STAC: variants seen among roughly 807,000 people sequenced by gnomAD.
STAC encodes the protein SH3 and cysteine-rich domain-containing protein.
In STAC, 43 loss-of-function variants were observed where a neutral mutation model predicts 48.8. The ratio of observed to expected loss-of-function variants is 0.88; its 90% CI spans 0.69 to 1.14. The LOEUF (loss-of-function observed/expected upper bound fraction) is 1.14, where lower values mean the gene tolerates loss of function less well. STAC is among the 50% of genes most tolerant of loss of function. The pLI is 0.00. For synonymous variants in STAC, 193 were observed against 179.5 expected (o/e 1.07, Z -0.60); for missense variants, 497 against 504.0 (o/e 0.99, Z 0.13).
At chr3:36,419,705 GGAA>G (rs1350167961) in intron 1 of STAC, among the ~76,000 whole-genome samples, 3 of 148,964 alleles carry the variant, frequency 2.0e-5, no homozygotes, top group Non-Finnish European at 3.0e-5. Flanking sequence ...TTCAGGTCAG[GGAA>G]GAAGAACTGT....
chr3:36,397,002 TCAC>T (rs1174898889), intron 1 of STAC, among the ~76,000 whole-genome samples: 1 of 152,164 alleles, frequency 6.6e-6, no homozygotes, highest in Non-Finnish European at 1.5e-5. Context: ...GGAAAATAAA[TCAC>T]CAAACTAGTT....
At chr3:36,418,056 C>A (rs898403966) in intron 1 of STAC, among the ~76,000 whole-genome samples, 29 of 151,970 alleles carry the variant, frequency 1.9e-4, no homozygotes, top group Admixed American at 1.4e-3. Flanking sequence ...GGGATATTTT[C>A]TTTTCCTATT....
At chr3:36,506,056 A>G (rs879346531) in intron 8 of STAC, 3 of 372,894 alleles carry the variant, frequency 8.0e-6, no homozygotes, top group Non-Finnish European at 1.5e-5. Context: ...TTGCATTCCT[A>G]AGGAGTTCCC....
intron 1 of STAC, among the ~76,000 whole-genome samples, chr3:36,431,566 T>C (rs1002963747): frequency 6.6e-6 from 1 of 152,228 alleles, no homozygotes; most frequent in Non-Finnish European, 1.5e-5. Flanking sequence ...CAATCCATTA[T>C]AATGCAGGTG....
chr3:36,544,943 C>G (rs1699411125), intron 10 of STAC, among the ~76,000 whole-genome samples: 1 of 152,184 alleles, frequency 6.6e-6, no homozygotes, highest in South Asian at 2.1e-4. Flanking sequence ...GATACCAGTC[C>G]ATTGTATGTC....
At chr3:36,450,307 TAGA>T (rs1227436942) in intron 2 of STAC, among the ~76,000 whole-genome samples, 1 of 152,102 alleles carries the variant, frequency 6.6e-6, no homozygotes, top group Admixed American at 6.5e-5. Context: ...TAAGCAAAAA[TAGA>T]AGAACAACAT....
At chr3:36,437,645 GA>G (rs1423414869) in intron 1 of STAC, among the ~76,000 whole-genome samples, 1 of 99,782 alleles carries the variant, frequency 1.0e-5, no homozygotes, top group African/African-American at 3.9e-5. Context: ...GGGGAGGGGG[GA>G]GGGATAGCAT....
chr3:36,533,305 C>T (rs1042221581), intron 10 of STAC, among the ~76,000 whole-genome samples: 7 of 152,092 alleles, frequency 4.6e-5, no homozygotes, highest in Admixed American at 4.6e-4. Flanking sequence ...ACTCGCAAAG[C>T]AAATGGGCAC....
intron 8 of STAC, among the ~76,000 whole-genome samples, chr3:36,507,526 G>A (rs530535265): frequency 2.0e-5 from 3 of 152,230 alleles, no homozygotes; most frequent in Non-Finnish European, 2.9e-5. Context: ...GGTAGAATTC[G>A]GCTATGATTC....
Position 36,443,451 on chromosome 3 carries a change from G to A in STAC, c.199G>A (p.Glu67Lys), listed in dbSNP as rs1384065882. 13 of 1,614,156 alleles carry A rather than the reference G, an allele frequency of 8.1e-6. No individual in the cohort carries two copies. The highest frequency in any genetic ancestry group is 2.2e-5 in the South Asian group (2 of 91,080). Reference protein sequence around the residue: ...ADNFFQRTNSEDMKLQAHMVA... With the variant: ...ADNFFQRTNSKDMKLQAHMVA... ...CAACTTCTTCCAGCGAACCAACAGC[G>A]AAGACATGAAACTGCAAGCACACAT... Residue 67 changes from glutamate to lysine, a missense_variant, in exon 2 of 11, where the codon GAA becomes AAA. Physicochemically the swap from Glu to Lys is moderately conservative, Grantham distance 56. Transcript: ENST00000273183. This position sits in a 1 kb window ranked among gnomAD's most constrained non-coding sequence, Gnocchi z 4.2.
chr3:36,479,579 G>T (rs1431818724), intron 2 of STAC, among the ~76,000 whole-genome samples: 1 of 152,080 alleles, frequency 6.6e-6, no homozygotes, highest in African/African-American at 2.4e-5. Context: ...TTTGTTTCCA[G>T]GTATTTAAAC....
chr3:36,428,688 G>T (rs1254736375), intron 1 of STAC, among the ~76,000 whole-genome samples: 3 of 152,166 alleles, frequency 2.0e-5, no homozygotes, highest in Non-Finnish European at 4.4e-5. Context: ...AGAACAACAG[G>T]GGTGAAGGCC....
intron 1 of STAC, among the ~76,000 whole-genome samples, chr3:36,418,626 A>T (rs1700372370): frequency 7.7e-6 from 1 of 130,554 alleles, no homozygotes; most frequent in Non-Finnish European, 1.8e-5. Context: ...CGATTAAATC[A>T]ATATTATAAG....
chr3:36,527,879 T>C (rs1396534852), intron 8 of STAC, among the ~76,000 whole-genome samples: 1 of 151,886 alleles, frequency 6.6e-6, no homozygotes, highest in African/African-American at 2.4e-5. Flanking sequence ...AGTACAAAAC[T>C]CCAATTACAC....
chr3:36,434,338 C>T (rs912717068), intron 1 of STAC, among the ~76,000 whole-genome samples: 1 of 152,066 alleles, frequency 6.6e-6, no homozygotes, highest in Non-Finnish European at 1.5e-5. Flanking sequence ...TTTCAATGCT[C>T]TTTATTCAAT....
At chr3:36,405,364 G>A (rs1374718233) in intron 1 of STAC, among the ~76,000 whole-genome samples, 1 of 152,124 alleles carries the variant, frequency 6.6e-6, no homozygotes, top group Non-Finnish European at 1.5e-5. Context: ...GTATTATGAG[G>A]GTGTTCACAG....
At chr3:36,519,107 C>A (rs1017830490) in intron 8 of STAC, among the ~76,000 whole-genome samples, 2 of 152,152 alleles carry the variant, frequency 1.3e-5, no homozygotes, top group Non-Finnish European at 2.9e-5. Flanking sequence ...GTGAGGAAAG[C>A]ATAAGGGAAT....
chr3:36,449,242 A>C (rs967563630), intron 2 of STAC, among the ~76,000 whole-genome samples: 1 of 152,162 alleles, frequency 6.6e-6, no homozygotes, highest in Admixed American at 6.5e-5. Flanking sequence ...TAGCATTTTG[A>C]AGTCCTGCCA....
At chr3:36,527,402 A>G (rs1559526052) in intron 8 of STAC, among the ~76,000 whole-genome samples, 1 of 152,180 alleles carries the variant, frequency 6.6e-6, no homozygotes, top group Non-Finnish European at 1.5e-5. Flanking sequence ...TTTCAGAAAT[A>G]ATAAAGAACC....
Sources: gnomAD v4.1 joint callset for allele counts (sites outside exome capture counted in the v4.1 genomes callset) on GRCh38, gnomAD v4.1.1 for gene constraint, Gnocchi (gnomAD v3.1) non-coding constraint, MANE v1.5 for transcripts, NCBI Gene and HGNC (gene_info 2026-07-23, HGNC 2026-07-21) for gene names.